ADGB: variants seen among roughly 807,000 people sequenced by gnomAD.
The protein encoded by ADGB is calpain-7-like protein.
In ADGB, 172 loss-of-function variants were observed where a neutral mutation model predicts 210.5. The ratio of observed to expected loss-of-function variants is 0.82; its 90% CI spans 0.72 to 0.93. ADGB has a LOEUF of 0.93. Among genes scored for constraint, ADGB ranks in the 40% least tolerant of loss-of-function variants. The pLI is 0.00. For missense variants in ADGB, 2,025 were observed against 1,964.8 expected (o/e 1.03, Z -0.58); for synonymous variants, 658 against 662.7 (o/e 0.99, Z 0.11).
At chr6:146,696,881 G>A (rs796254152) in intron 12 of ADGB, among the ~76,000 whole-genome samples, 5 of 152,216 alleles carry the variant, frequency 3.3e-5, no homozygotes, top group African/African-American at 1.2e-4. Context: ...TAATTATGCT[G>A]ATGGGAAAAT....
chr6:146,660,751 G>A (rs1775843781), intron 5 of ADGB, among the ~76,000 whole-genome samples: 1 of 151,948 alleles, frequency 6.6e-6, no homozygotes, highest in South Asian at 2.1e-4. Context: ...TCTTTTTCTA[G>A]GATTTCTACC....
intron 13 of ADGB, among the ~76,000 whole-genome samples, chr6:146,706,328 C>T (rs540295371): frequency 2.0e-5 from 3 of 150,962 alleles, no homozygotes; most frequent in Non-Finnish European, 2.9e-5. Context: ...GGCACAATCT[C>T]GGGTCACTGC....
chr6:146,696,140 ATCTTGGCTCACTGCAACCTCTG>A (rs1776399264), intron 12 of ADGB, among the ~76,000 whole-genome samples: 1 of 151,804 alleles, frequency 6.6e-6, no homozygotes, highest in Non-Finnish European at 1.5e-5. Context: ...CAGTGGAGCA[ATCTTGGCTCACTGCAACCTCTG>A]CCTTCCAGGT....
intron 18 of ADGB, chr6:146,725,123 T>C (rs575614000): frequency 4.4e-4 from 67 of 152,324 alleles, no homozygotes; most frequent in African/African-American, 1.6e-3. Context: ...AACTCTGACA[T>C]TTCTCACATC....
chr6:146,750,640 G>A lies in ADGB; in HGVS notation c.3366-1890G>A, dbSNP rs1777306876. Reference sequence around the variant, plus strand: ...AAGCAAATTTCTAGAGAAATTAAAAGTTGATAGAGTCCTAAGCATTTGTGA... The same window carrying A: ...AAGCAAATTTCTAGAGAAATTAAAAATTGATAGAGTCCTAAGCATTTGTGA... On this transcript the variant is annotated intron_variant, in intron 26 of 35. Transcript: ENST00000397944. Among the ~76,000 whole-genome samples the A allele has an allele frequency of 3.3e-5, 5 of 152,104 alleles. No homozygotes were observed. The South Asian group carries it at 1.0e-3, about 31-fold the overall frequency.
intron 9 of ADGB, among the ~76,000 whole-genome samples, chr6:146,679,344 G>A (rs1204919784): frequency 6.6e-6 from 1 of 152,090 alleles, no homozygotes; most frequent in African/African-American, 2.4e-5. Context: ...ATTTCATCTA[G>A]TTAAAATATC....
intron 29 of ADGB, chr6:146,770,532 G>A (rs764718956): frequency 6.5e-6 from 3 of 464,520 alleles, no homozygotes; most frequent in South Asian, 1.6e-5. Flanking sequence ...TCTCATCATT[G>A]CATCTCTAGC....
chr6:146,812,871 A>T (rs1778322808), intron 35 of ADGB, among the ~76,000 whole-genome samples: 1 of 152,214 alleles, frequency 6.6e-6, no homozygotes, highest in African/African-American at 2.4e-5. Flanking sequence ...ATGGGGTCGG[A>T]CAAATGTGCA....
chr6:146,626,647 T>A (rs9497583), intron 1 of ADGB, among the ~76,000 whole-genome samples: 28,340 of 151,794 alleles, frequency 0.19, 2,852 homozygotes, highest in East Asian at 0.24. Context: ...GTTCTTTTCT[T>A]TTTTCCTCTG....
chr6:146,782,179 G>T lies in ADGB; in HGVS notation c.4022G>T (p.Arg1341Leu), dbSNP rs762627387. ...EKTAKEKQAP[R>L]FEPQISTVHP... ...ACAGCCAAAGAAAAACAAGCACCTC[G>T]CTTTGAGCCTCAGGTGGGTGTGGAA... The change falls in exon 30 of 36, where the codon CGC (arginine) becomes CTC (leucine). Residue 1341 changes from arginine (R) to leucine (L), a missense_variant. Physicochemically the swap from Arg to Leu is moderately radical, Grantham distance 102 (BLOSUM62 -2). Coordinates refer to ENST00000397944, the MANE Select transcript of ADGB (RefSeq NM_024694.4). 6 of 1,532,928 alleles carry T rather than the reference G, an allele frequency of 3.9e-6. No homozygotes were observed. Among genetic ancestry groups the T allele is most frequent in the South Asian group, 1.3e-5 (1 of 79,730 alleles). The allele number at this position is 1,532,928 out of a possible 1,614,324, so 95.0% of individuals were successfully genotyped here. A position where few individuals can be genotyped will look rare whatever the true frequency, so the allele number is the denominator to read the frequency against.
At chr6:146,721,829 ACTC>A (rs1330192415) in intron 17 of ADGB, among the ~76,000 whole-genome samples, 2 of 151,868 alleles carry the variant, frequency 1.3e-5, no homozygotes, top group African/African-American at 4.8e-5. Context: ...CAAGAGTGAA[ACTC>A]TCTCTCAAAA....
chr6:146,686,992 C>A (rs1776241790), intron 10 of ADGB, among the ~76,000 whole-genome samples: 1 of 152,068 alleles, frequency 6.6e-6, no homozygotes, highest in South Asian at 2.1e-4. Flanking sequence ...GGGCACGTTG[C>A]TAACATTTTT....
At chr6:146,784,470 G>T (rs1342083593) in intron 30 of ADGB, 148 bp from the exon 31 acceptor site, 15 of 662,372 alleles carry the variant, frequency 2.3e-5, no homozygotes, top group Non-Finnish European at 2.3e-5. Flanking sequence ...AGACTGCAAT[G>T]AACATTTTCG....
At chr6:146,808,552 T>C (rs1051650818) in intron 35 of ADGB, among the ~76,000 whole-genome samples, 2 of 152,352 alleles carry the variant, frequency 1.3e-5, no homozygotes, top group African/African-American at 4.8e-5. Flanking sequence ...CTGAGGCACA[T>C]AGCAGGAAAT....
At chr6:146,717,345 GGC>G (rs1262431178) in intron 15 of ADGB, among the ~76,000 whole-genome samples, 189 bp from the exon 16 acceptor site, 4 of 152,028 alleles carry the variant, frequency 2.6e-5, no homozygotes, top group African/African-American at 4.8e-5. Flanking sequence ...TTTCCTCAAA[GGC>G]TTGTTTCTTA....
At chr6:146,643,898 A>G (rs1775558357) in intron 2 of ADGB, among the ~76,000 whole-genome samples, 1 of 151,724 alleles carries the variant, frequency 6.6e-6, no homozygotes, top group Admixed American at 6.6e-5. Context: ...AAGCCAATCC[A>G]AAAGATTTCA....
In ADGB at chr6:146,721,466, G is replaced by C. The variant is rs1228887736; in HGVS notation, c.2056G>C (p.Val686Leu). Reference protein sequence around the residue: ...VDSLKPIELLVCFSALVRWGE... With the variant: ...VDSLKPIELLLCFSALVRWGE... Reference sequence around the variant, plus strand: ...TAGTCTAAAACCTATTGAACTACTGGTTTGCTTTTCTGCATTGGTACGCTG... The same window carrying C: ...TAGTCTAAAACCTATTGAACTACTGCTTTGCTTTTCTGCATTGGTACGCTG... Residue 686 changes from valine to leucine, a missense_variant, in exon 17 of 36, where the codon GTT becomes CTT. Physicochemically the swap from Val to Leu is conservative, Grantham distance 32 (BLOSUM62 1). Transcript: ENST00000397944. 2.6e-6 allele frequency: 4 copies of C among 1,551,190 alleles called. No individual in the cohort carries two copies. The highest frequency in any genetic ancestry group is 3.5e-6 in the Non-Finnish European group (4 of 1,146,686).
intron 5 of ADGB, among the ~76,000 whole-genome samples, chr6:146,659,881 C>T (rs1775832012): frequency 6.6e-6 from 1 of 152,164 alleles, no homozygotes; most frequent in South Asian, 2.1e-4. Context: ...GGCAGCTTTT[C>T]TCTGAGTGTC....
chr6:146,760,027 C>T (rs185326060), intron 27 of ADGB, among the ~76,000 whole-genome samples: 272 of 151,668 alleles, frequency 1.8e-3, no homozygotes, highest in Non-Finnish European at 3.3e-3. Context: ...CTATGTGTTT[C>T]TAATGTTTTT....
Sources: allele counts gnomAD v4.1 joint callset (sites outside exome capture counted in the v4.1 genomes callset), GRCh38; gene constraint gnomAD v4.1.1; transcripts MANE v1.5; gene names NCBI Gene and HGNC (gene_info 2026-07-23, HGNC 2026-07-21).